KCNIP4: variants seen among roughly 807,000 people sequenced by gnomAD.
KCNIP4 encodes the protein potassium voltage-gated channel interacting protein 4.
KCNIP4 carries 12 observed loss-of-function variants against 34.0 expected under a neutral mutation model. The ratio of observed to expected loss-of-function variants is 0.35; its 90% CI spans 0.23 to 0.57. The LOEUF is 0.57. Among genes scored for constraint, KCNIP4 ranks in the 20% least tolerant of loss-of-function variants. The pLI is 0.83. For missense variants in KCNIP4, 238 were observed against 311.7 expected, an observed-to-expected ratio of 0.76 and a Z score of 1.78; for synonymous variants, 124 against 102.2, an observed-to-expected ratio of 1.21 and a Z score of -1.29.
chr4:21,525,556 A>G (rs1735900189), intron 1 of KCNIP4, among the ~76,000 whole-genome samples: 1 of 152,142 alleles, frequency 6.6e-6, no homozygotes, highest in Admixed American at 6.6e-5. Context: ...TAATTTACTC[A>G]TTGGTATAGC....
chr4:21,685,996 T>C (rs1202978128), intron 1 of KCNIP4, among the ~76,000 whole-genome samples: 2 of 152,256 alleles, frequency 1.3e-5, no homozygotes, highest in Non-Finnish European at 2.9e-5. Context: ...AAGCTTTTTA[T>C]AGAACTGGCT....
chr4:21,799,487 G>A (rs1477671627), intron 1 of KCNIP4, among the ~76,000 whole-genome samples: 1 of 152,168 alleles, frequency 6.6e-6, no homozygotes, highest in Non-Finnish European at 1.5e-5. Context: ...TATGATACCT[G>A]TTTGTTGCAG....
intron 3 of KCNIP4, among the ~76,000 whole-genome samples, chr4:20,764,782 T>C (rs16869935): frequency 0.16 from 23,712 of 152,002 alleles, 1,957 homozygotes; most frequent in East Asian, 0.19. Context: ...CCAGTGGACA[T>C]TGAGGCGTTT....
At chr4:21,034,896 C>G (rs1162256999) in intron 1 of KCNIP4, among the ~76,000 whole-genome samples, 1 of 152,170 alleles carries the variant, frequency 6.6e-6, no homozygotes, top group Non-Finnish European at 1.5e-5. Context: ...CATTGCTGGA[C>G]AGCTGTCCTG....
intron 2 of KCNIP4, among the ~76,000 whole-genome samples, chr4:20,856,383 C>A (rs1232359350): frequency 6.6e-6 from 1 of 152,192 alleles, no homozygotes; most frequent in Non-Finnish European, 1.5e-5. Context: ...ATAAGTGTCT[C>A]ATTTCTGAAG....
At chr4:21,407,411 T>C (rs1724086533) in intron 1 of KCNIP4, among the ~76,000 whole-genome samples, 1 of 152,186 alleles carries the variant, frequency 6.6e-6, no homozygotes, top group Non-Finnish European at 1.5e-5. Context: ...ATATTGCTAG[T>C]CTTTTCCAAG....
chr4:21,556,920 C>CAAAAAAAAA (rs1281543089), intron 1 of KCNIP4, among the ~76,000 whole-genome samples: 6 of 35,642 alleles, frequency 1.7e-4, no homozygotes, highest in African/African-American at 4.2e-4. Context: ...GACTCCATCT[C>CAAAAAAAAA]AGAAAAAAAA....
intron 4 of KCNIP4, among the ~76,000 whole-genome samples, chr4:20,755,734 G>A (rs748262346): frequency 6.6e-6 from 1 of 152,182 alleles, no homozygotes; most frequent in South Asian, 2.1e-4. Context: ...TGAGAAGGTG[G>A]CATTGGCGTA....
chr4:21,547,839 C>T (rs1738261628), intron 1 of KCNIP4, among the ~76,000 whole-genome samples: 1 of 151,786 alleles, frequency 6.6e-6, no homozygotes, highest in Admixed American at 6.6e-5. Context: ...GTTTATGTTT[C>T]ATATATACCT....
chr4:20,842,129 A>G (rs766758853), intron 3 of KCNIP4, among the ~76,000 whole-genome samples: 2 of 152,160 alleles, frequency 1.3e-5, no homozygotes, highest in Non-Finnish European at 2.9e-5. Context: ...CAAACTCTAA[A>G]GAAAAATTAC....
intron 1 of KCNIP4, among the ~76,000 whole-genome samples, chr4:21,096,087 T>C (rs1747437760): frequency 6.6e-6 from 1 of 152,186 alleles, no homozygotes; most frequent in African/African-American, 2.4e-5. Flanking sequence ...AAATTTACCG[T>C]ACATAAAAAT....
At chr4:21,889,660 A>G (rs1451239118) in intron 1 of KCNIP4, among the ~76,000 whole-genome samples, 1 of 152,134 alleles carries the variant, frequency 6.6e-6, no homozygotes, top group African/African-American at 2.4e-5. Flanking sequence ...CCCTAGGCAG[A>G]TGGTTCAGAA....
chr4:21,533,640 G>C (rs1435097349), intron 1 of KCNIP4, among the ~76,000 whole-genome samples: 2 of 151,964 alleles, frequency 1.3e-5, no homozygotes, highest in Non-Finnish European at 2.9e-5. Flanking sequence ...ACTTAATAAG[G>C]AAAAACAGAA....
At chr4:21,696,288 T>G (rs1712306147) in intron 1 of KCNIP4, among the ~76,000 whole-genome samples, 1 of 152,026 alleles carries the variant, frequency 6.6e-6, no homozygotes, top group Admixed American at 6.6e-5. Flanking sequence ...CTTTCTTAGG[T>G]AAAATGTTGC....
chr4:21,228,945 C>CA (rs1203403177), intron 1 of KCNIP4, among the ~76,000 whole-genome samples: 1 of 152,156 alleles, frequency 6.6e-6, no homozygotes, highest in Non-Finnish European at 1.5e-5. Flanking sequence ...TACTCTGTTA[C>CA]ACTCCTGGAA....
At chr4:21,129,996 A>G (rs2109167715) in intron 1 of KCNIP4, among the ~76,000 whole-genome samples, 1 of 152,232 alleles carries the variant, frequency 6.6e-6, no homozygotes, top group South Asian at 2.1e-4. Flanking sequence ...TAGCTGAACT[A>G]TAAAGTGGCA....
At chr4:21,378,842 C>T (rs1721209274) in intron 1 of KCNIP4, among the ~76,000 whole-genome samples, 1 of 152,000 alleles carries the variant, frequency 6.6e-6, no homozygotes, top group African/African-American at 2.4e-5. Context: ...AGCAAGACAC[C>T]TTTATACATA....
At chr4:20,868,466 G>C (rs1392436082) in intron 2 of KCNIP4, among the ~76,000 whole-genome samples, 1 of 152,040 alleles carries the variant, frequency 6.6e-6, no homozygotes, top group African/African-American at 2.4e-5. Context: ...GCTACCATTT[G>C]ACCCAGCAAT....
At chr4:21,222,081 A>G (rs943504092) in intron 1 of KCNIP4, among the ~76,000 whole-genome samples, 9 of 152,204 alleles carry the variant, frequency 5.9e-5, no homozygotes, top group Admixed American at 5.2e-4. Flanking sequence ...TGGGCTCCTT[A>G]GAGCAATAGA....
Sources: allele counts gnomAD v4.1 joint callset (sites outside exome capture counted in the v4.1 genomes callset), GRCh38; gene constraint gnomAD v4.1.1; transcripts MANE v1.5; gene names NCBI Gene and HGNC (gene_info 2026-07-23, HGNC 2026-07-21).